INTS10: variants seen among roughly 807,000 people sequenced by gnomAD.
INTS10 encodes integrator complex subunit 10.
A neutral mutation model predicts 94.4 loss-of-function variants in INTS10; 44 were observed. The ratio of observed to expected loss-of-function variants is 0.47; its 90% CI spans 0.37 to 0.60. INTS10 has a LOEUF of 0.60. INTS10 is among the 20% of genes least tolerant of loss of function. The pLI is 0.00. For synonymous variants in INTS10, 341 were observed against 320.7 expected, an observed-to-expected ratio of 1.06 and a Z score of -0.68; for missense variants, 797 against 868.7, an observed-to-expected ratio of 0.92 and a Z score of 1.04.
chr8:19,831,544 G>A (rs1462081299), intron 10 of INTS10, among the ~76,000 whole-genome samples: 2 of 152,068 alleles, frequency 1.3e-5, no homozygotes, highest in African/African-American at 4.8e-5. Flanking sequence ...ACAAAACTTA[G>A]CCAAGAGTGA....
intron 16 of INTS10, among the ~76,000 whole-genome samples, chr8:19,848,389 T>C (rs1042715358): frequency 6.6e-6 from 1 of 152,224 alleles, no homozygotes; most frequent in Non-Finnish European, 1.5e-5. Context: ...TAATCTGTTA[T>C]ACAGACCTTT....
intron 12 of INTS10, among the ~76,000 whole-genome samples, chr8:19,834,355 A>C (rs2067482837): frequency 6.6e-6 from 1 of 152,230 alleles, no homozygotes; most frequent in Admixed American, 6.5e-5. Flanking sequence ...ATCTTTAGAA[A>C]GGAACAATTG....
At chr8:19,823,768 C>A in intron 6 of INTS10, 105 bp from the exon 7 acceptor site, 1 of 1,031,268 alleles carries the variant, frequency 9.7e-7, no homozygotes, top group Non-Finnish European at 1.4e-6. Flanking sequence ...TGTTGGAATT[C>A]TGTGCTCTGT....
At chr8:19,829,521 G>A (rs2067065784) in intron 9 of INTS10, among the ~76,000 whole-genome samples, 1 of 152,304 alleles carries the variant, frequency 6.6e-6, no homozygotes, top group Middle Eastern at 3.4e-3. Flanking sequence ...GCTTTACTAG[G>A]TAAGTGCAGA....
At chr8:19,822,820 C>A (rs939949285) in intron 5 of INTS10, among the ~76,000 whole-genome samples, 1 of 151,934 alleles carries the variant, frequency 6.6e-6, no homozygotes, top group Non-Finnish European at 1.5e-5. Flanking sequence ...CATGGTGGCG[C>A]ACGCCTGTAG....
At chr8:19,819,094 G>C (rs1358254019) in intron 2 of INTS10, among the ~76,000 whole-genome samples, 1 of 152,184 alleles carries the variant, frequency 6.6e-6, no homozygotes. Context: ...GGTGTATAAA[G>C]AGTGTGTTTT....
rs1563343499 is a variant in INTS10 at position 19,823,283 on chromosome 8, C to G, written c.524-18C>G. ...AGACAACCTAATTAATTTATTTCTT[C>G]TTTTTCTCCTCCAACAGTTTGTGAT... On this transcript the variant is annotated intron_variant, in intron 5 of 16. Transcript: ENST00000397977. 4 of 1,592,540 alleles carry G rather than the reference C, an allele frequency of 2.5e-6. No homozygotes were observed. In the South Asian group the frequency reaches 4.5e-5, roughly 18 times the overall value.
chr8:19,844,410 G>A (rs954365989), intron 15 of INTS10, among the ~76,000 whole-genome samples, 172 bp downstream of exon 15: 14 of 152,182 alleles, frequency 9.2e-5, no homozygotes, highest in African/African-American at 2.7e-4. Context: ...TCTGAAAGTC[G>A]TGAAAGACAT....
chr8:19,819,003 A>G (rs2066159779), intron 2 of INTS10: 3 of 152,442 alleles, frequency 2.0e-5, no homozygotes, highest in Admixed American at 6.5e-5. Context: ...TTCATAGTCA[A>G]AGTTTATGCG....
chr8:19,844,254 G>GT lies in INTS10; in HGVS notation c.1882+19dup. The GT allele has an allele frequency of 1.3e-6, 2 of 1,559,020 alleles. No individual in the cohort carries two copies. Among genetic ancestry groups the GT allele is most frequent in the Non-Finnish European group, 1.8e-6 (2 of 1,132,784 alleles). On this transcript the variant is annotated intron_variant, in intron 15 of 16. Transcript: ENST00000397977. ...TACGTTACAAGTATCCTTTTTTCTTGTTTAAGCATAACACATTCTGATTTT... is the reference window on the plus strand; with the variant it reads ...TACGTTACAAGTATCCTTTTTTCTTGTTTTAAGCATAACACATTCTGATTTT...
rs749500918 is a variant in INTS10, at chr8:19,842,824, C to T, written c.1640-24C>T. The stretch of plus-strand genomic sequence containing the variant: ...TATCTTTGATAATAACATACATTAA[C>T]CTAACATTGTGGACTTCTGTTAGGT... On this transcript the variant is annotated intron_variant, in intron 13 of 16. Coordinates refer to ENST00000397977, the MANE Select transcript of INTS10 (RefSeq NM_018142.4). 7 of 1,545,796 alleles carry T rather than the reference C, an allele frequency of 4.5e-6. No individual in the cohort carries two copies. In the South Asian group the frequency reaches 7.9e-5, roughly 17 times the overall value.
chr8:19,846,888 G>A lies in INTS10; in HGVS notation c.1976+1091G>A, dbSNP rs2068627669. Among the ~76,000 whole-genome samples, 1 of 152,204 alleles carries A rather than the reference G, an allele frequency of 6.6e-6. No homozygotes were observed. Among genetic ancestry groups the A allele is most frequent in the Non-Finnish European group, 1.5e-5 (1 of 68,032 alleles). ...ACATTCAGTGTGTCTGTAAGTCAGT[G>A]TTAGAGTTTCTGCAAGAGACTGAAT... On this transcript the variant is annotated intron_variant, in intron 16 of 16. Transcript: ENST00000397977. The surrounding 1 kb of genome is among the most constrained non-coding windows in gnomAD (Gnocchi z 4.2).
chr8:19,850,490 T>G (rs2068940740), intron 16 of INTS10, among the ~76,000 whole-genome samples: 1 of 152,210 alleles, frequency 6.6e-6, no homozygotes, highest in Non-Finnish European at 1.5e-5. Context: ...AGCTGGATTT[T>G]TTTTTTCTTT....
intron 4 of INTS10, chr8:19,822,238 G>C (rs1446105863): frequency 1.2e-5 from 5 of 427,708 alleles, no homozygotes; most frequent in African/African-American, 2.0e-5. Flanking sequence ...AGAGTGGTCA[G>C]ATGTTCAGGT....
chr8:19,839,147 C>G (rs2067916216), intron 13 of INTS10, among the ~76,000 whole-genome samples: 1 of 152,140 alleles, frequency 6.6e-6, no homozygotes, highest in Admixed American at 6.5e-5. Context: ...TCATGACTGT[C>G]TTAGTAGATG....
chr8:19,850,472 T>C (rs1252149703), intron 16 of INTS10, among the ~76,000 whole-genome samples: 1 of 140,950 alleles, frequency 7.1e-6, no homozygotes, highest in African/African-American at 2.7e-5. Context: ...GCTTTACTTA[T>C]CTAACAAAGC....
At chr8:19,842,327 A>T (rs1026207024) in intron 13 of INTS10, among the ~76,000 whole-genome samples, 2 of 152,214 alleles carry the variant, frequency 1.3e-5, no homozygotes, top group African/African-American at 4.8e-5. Context: ...ATACAAAATG[A>T]CACCATTTAT....
chr8:19,825,265 A>G (rs6984144), intron 8 of INTS10, among the ~76,000 whole-genome samples: 139,002 of 152,282 alleles, frequency 0.91, 63,609 homozygotes, highest in African/African-American at 0.97. Context: ...TGTGGCTCAC[A>G]CCTGTAATCC....
At chr8:19,820,633 T>G (rs76395486) in intron 4 of INTS10, 115 bp downstream of exon 4, 97 of 828,204 alleles carry the variant, frequency 1.2e-4, no homozygotes, top group Non-Finnish European at 1.6e-4. Flanking sequence ...TGGTTAAGAT[T>G]GAACTGAAAT....
Sources: allele counts gnomAD v4.1 joint callset (sites outside exome capture counted in the v4.1 genomes callset), GRCh38; gene constraint gnomAD v4.1.1; non-coding constraint Gnocchi (gnomAD v3.1); transcripts MANE v1.5; gene names NCBI Gene and HGNC (gene_info 2026-07-23, HGNC 2026-07-21).